JAK1: variants seen among roughly 807,000 people sequenced by gnomAD.
JAK1 encodes Janus kinase 1.
A neutral mutation model predicts 136.6 loss-of-function variants in JAK1; 16 were observed. That is an observed-to-expected ratio of 0.12 (90% CI 0.08 to 0.18). The LOEUF (loss-of-function observed/expected upper bound fraction) is 0.18. Among genes scored for constraint, JAK1 ranks in the 10% least tolerant of loss-of-function variants. The probability of loss-of-function intolerance (pLI) is 1.00; values close to 1 mark genes in which losing one functional copy is unlikely to be tolerated. For synonymous variants in JAK1, 492 were observed against 519.5 expected (o/e 0.95, Z 0.72); for missense variants, 859 against 1,450.1 (o/e 0.59, Z 6.62).
intron 1 of JAK1, among the ~76,000 whole-genome samples, chr1:64,952,443 C>T (rs1421212655): frequency 6.6e-6 from 1 of 152,162 alleles, no homozygotes; most frequent in Non-Finnish European, 1.5e-5. Context: ...ATAGTTTTTT[C>T]ATTTGCTTGA....
chr1:65,023,898 G>C (rs1422781574), intron 2 of JAK1, among the ~76,000 whole-genome samples: 1 of 148,634 alleles, frequency 6.7e-6, no homozygotes, highest in African/African-American at 2.5e-5. Flanking sequence ...CACTCACCAT[G>C]GTTCTAGATT....
intron 2 of JAK1, 118 bp downstream of exon 2, chr1:64,886,141 C>G (rs968189917): frequency 6.3e-6 from 4 of 631,454 alleles, no homozygotes; most frequent in Non-Finnish European, 1.1e-5. Context: ...ATAAATACAT[C>G]AATTTCAAAA....
intron 1 of JAK1, among the ~76,000 whole-genome samples, chr1:64,930,213 G>C (rs1645664156): frequency 6.6e-6 from 1 of 152,140 alleles, no homozygotes; most frequent in Admixed American, 6.5e-5. Flanking sequence ...GAGTGAAGAG[G>C]CAATCTACAG....
At chr1:64,904,564 T>C (rs1238713913) in intron 1 of JAK1, among the ~76,000 whole-genome samples, 1 of 152,214 alleles carries the variant, frequency 6.6e-6, no homozygotes. Flanking sequence ...TTTAATGGAA[T>C]ATACATTTGG....
intron 2 of JAK1, among the ~76,000 whole-genome samples, 158 bp downstream of exon 2, chr1:64,886,101 T>C (rs988120448): frequency 6.6e-6 from 1 of 152,220 alleles, no homozygotes; most frequent in Admixed American, 6.5e-5. Context: ...TGAGGTTTTT[T>C]TTAACCAGCA....
At chr1:64,977,664 C>G (rs55783451) in intron 2 of JAK1, among the ~76,000 whole-genome samples, 1 of 138,970 alleles carries the variant, frequency 7.2e-6, no homozygotes, top group African/African-American at 2.7e-5. Context: ...ATCTCCTGAC[C>G]TCATGATCTA....
intron 1 of JAK1, among the ~76,000 whole-genome samples, chr1:64,895,659 T>A (rs1381474461): frequency 6.6e-6 from 1 of 152,200 alleles, no homozygotes; most frequent in African/African-American, 2.4e-5. Flanking sequence ...TGCACAGTCT[T>A]CATTTCACAA....
intron 2 of JAK1, among the ~76,000 whole-genome samples, chr1:64,998,846 C>A (rs994236489): frequency 1.3e-5 from 2 of 152,222 alleles, no homozygotes; most frequent in African/African-American, 2.4e-5. Flanking sequence ...CCATGTGGAA[C>A]TTTGAGACCA....
At chr1:64,835,263 C>A in intron 24 of JAK1, 133 bp downstream of exon 24, 1 of 525,260 alleles carries the variant, frequency 1.9e-6, no homozygotes, top group Non-Finnish European at 3.4e-6. Flanking sequence ...TGAAATTCAG[C>A]TTCAGAAAAC....
At chr1:65,025,867 TG>T (rs1314166155) in intron 2 of JAK1, among the ~76,000 whole-genome samples, 1 of 152,026 alleles carries the variant, frequency 6.6e-6, no homozygotes, top group East Asian at 1.9e-4. Context: ...TTTGTAGAGA[TG>T]GGGTTTTGCC....
intron 2 of JAK1, chr1:64,987,411 G>A (rs760644340): frequency 6.6e-6 from 1 of 152,234 alleles, no homozygotes; most frequent in African/African-American, 2.4e-5. Context: ...TAGTGACTTG[G>A]TAAAGGATTA....
At chr1:64,908,592 G>C (rs2100254461) in intron 1 of JAK1, among the ~76,000 whole-genome samples, 1 of 152,260 alleles carries the variant, frequency 6.6e-6, no homozygotes, top group Admixed American at 6.5e-5. Flanking sequence ...ATCTTGCCTA[G>C]TCTTCAGGTT....
chr1:64,883,195 G>A (rs1404895001), intron 3 of JAK1, 82 bp downstream of exon 3: 15 of 1,164,314 alleles, frequency 1.3e-5, no homozygotes, highest in East Asian at 5.2e-5. Flanking sequence ...GCCCAGCAGC[G>A]CTACAAGGGG....
chr1:64,882,861 G>A (rs1045893388), intron 3 of JAK1, among the ~76,000 whole-genome samples: 5 of 152,128 alleles, frequency 3.3e-5, no homozygotes, highest in Admixed American at 6.5e-5. Context: ...GAGAAGTTTC[G>A]AATAATTATT....
In JAK1 at chr1:64,834,475, C is replaced by T; in HGVS notation, c.*87G>A. ...TTTTGGACAGAACACAAACTTCTTT[C>T]ATTAGAAATTTTTAAAAAATGACTT... is the stretch of plus-strand genomic sequence containing the variant. On this transcript the variant is annotated 3_prime_UTR_variant, in exon 25 of 25. Transcript: ENST00000342505. 2 of 887,808 alleles carry T rather than the reference C, an allele frequency of 2.3e-6. No homozygotes were observed. Among genetic ancestry groups the T allele is most frequent in the South Asian group, 1.5e-5 (1 of 68,380 alleles). 55.0% of individuals were successfully genotyped at this position (887,808 alleles called of 1,614,324 possible). A position where few individuals can be genotyped will look rare whatever the true frequency, so the allele number is the denominator to read the frequency against.
intron 1 of JAK1, among the ~76,000 whole-genome samples, chr1:65,059,010 C>T (rs1269074318): frequency 6.6e-6 from 1 of 152,278 alleles, no homozygotes; most frequent in East Asian, 1.9e-4. Context: ...ATCTGCCAAA[C>T]ATTCAAAACT....
Position 64,838,962 on chromosome 1 carries a change from G to A in JAK1, c.2843-373C>T, listed in dbSNP as rs556784348. On this transcript the variant is annotated intron_variant, in intron 20 of 24. Transcript: ENST00000342505. ...AGATCGAGACCATCCTGGCTAACAC[G>A]GTGAAACCCCGTCTCTACTAAAAAT... Among the ~76,000 whole-genome samples, 9 of 150,992 alleles carry A rather than the reference G, an allele frequency of 6.0e-5. No individual in the cohort carries two copies. The East Asian group carries it at 9.8e-4, about 17-fold the overall frequency.
chr1:65,039,392 G>A (rs181607238), intron 2 of JAK1, among the ~76,000 whole-genome samples: 2 of 152,138 alleles, frequency 1.3e-5, no homozygotes, highest in East Asian at 3.9e-4. Flanking sequence ...TTTCCTATAT[G>A]GCAGGCATTA....
chr1:64,931,316 C>T (rs763677439), intron 1 of JAK1, among the ~76,000 whole-genome samples: 3 of 152,082 alleles, frequency 2.0e-5, no homozygotes, highest in Non-Finnish European at 2.9e-5. Context: ...ATTACCTGCT[C>T]ATCCTTGTTC....
Sources: gnomAD v4.1 joint callset for allele counts (sites outside exome capture counted in the v4.1 genomes callset) on GRCh38, gnomAD v4.1.1 for gene constraint, MANE v1.5 for transcripts, NCBI Gene and HGNC (gene_info 2026-07-23, HGNC 2026-07-21) for gene names.